The following VRTN variants were observed in gnomAD, a reference collection of about 807,000 sequenced individuals.
VRTN encodes vertebrae development associated.
In VRTN, 5 loss-of-function variants were observed where a neutral mutation model predicts 18.2. The observed-to-expected ratio is 0.27, with a 90% confidence interval of 0.14 to 0.58. The LOEUF (loss-of-function observed/expected upper bound fraction) is 0.58. Ranked by LOEUF, VRTN falls within the 20% of genes least tolerant of loss-of-function variation. The probability of loss-of-function intolerance (pLI) is 0.91; values close to 1 mark genes in which losing one functional copy is unlikely to be tolerated. For missense variants in VRTN, 741 were observed against 939.4 expected (o/e 0.79, Z 2.76); for synonymous variants, 381 against 393.7 (o/e 0.97, Z 0.38).
At chr14:74,336,166 G>A (rs1270262127) in intron 1 of VRTN, among the ~76,000 whole-genome samples, 1 of 151,808 alleles carries the variant, frequency 6.6e-6, no homozygotes, top group Non-Finnish European at 1.5e-5. Flanking sequence ...CCAGCACTTT[G>A]GGAGGCTGAG....
intron 1 of VRTN, among the ~76,000 whole-genome samples, chr14:74,316,540 C>T (rs1306780547): frequency 6.6e-6 from 1 of 151,544 alleles, no homozygotes; most frequent in Non-Finnish European, 1.5e-5. Flanking sequence ...GAACAAACAA[C>T]CTGAATGAAG....
Position 74,356,763 on chromosome 14 carries a change from T to G in VRTN, c.-1-20T>G. The G allele has an allele frequency of 6.4e-7, 1 of 1,565,282 alleles. No homozygotes were observed. The highest frequency in any genetic ancestry group is 8.7e-7 in the Non-Finnish European group (1 of 1,154,326). ...GGCACTTCGACCTGACTACTGCCCC[T>G]TTATCTTTTGCCCTGGCAGGATGAC... On this transcript the variant is annotated intron_variant, in intron 1 of 1. Coordinates refer to ENST00000256362, the MANE Select transcript of VRTN (RefSeq NM_018228.3).
chr14:74,310,106 A>C (rs2085377681), intron 1 of VRTN, among the ~76,000 whole-genome samples: 1 of 151,732 alleles, frequency 6.6e-6, no homozygotes, highest in Non-Finnish European at 1.5e-5. Context: ...GCTATTAATA[A>C]GAAGGAGATG....
intron 1 of VRTN, among the ~76,000 whole-genome samples, chr14:74,350,355 G>A (rs561776118): frequency 6.6e-6 from 1 of 152,172 alleles, no homozygotes; most frequent in East Asian, 1.9e-4. Flanking sequence ...GGGTGGAGCC[G>A]GGTGGAACTG....
chr14:74,304,515 T>C (rs961424355), intron 1 of VRTN, among the ~76,000 whole-genome samples: 5 of 152,192 alleles, frequency 3.3e-5, no homozygotes, highest in African/African-American at 1.2e-4. Flanking sequence ...TTCTCAACTT[T>C]GGCGCCATTA....
chr14:74,341,691 G>C, intron 2 of VRTN, among the ~76,000 whole-genome samples: 1 of 152,044 alleles, frequency 6.6e-6, no homozygotes, highest in East Asian at 1.9e-4. Flanking sequence ...GCTAGTTTTT[G>C]TATTTTTAGT....
intron 1 of VRTN, among the ~76,000 whole-genome samples, chr14:74,351,411 G>T (rs992396187): frequency 2.0e-5 from 3 of 151,192 alleles, no homozygotes; most frequent in Admixed American, 6.6e-5. Flanking sequence ...ATGGTGAGAG[G>T]TTATACCAGA....
chr14:74,344,133 G>A (rs929689181), upstream of VRTN, among the ~76,000 whole-genome samples: 25 of 150,384 alleles, frequency 1.7e-4, no homozygotes, highest in African/African-American at 2.4e-5. Context: ...TACCGGCTGG[G>A]CATGGTAGCT....
chr14:74,344,732 C>CAAAAAAAAAAAA, upstream of VRTN, among the ~76,000 whole-genome samples: 1 of 7,948 alleles, frequency 1.3e-4, no homozygotes, highest in Admixed American at 1.3e-3. Context: ...GAGACTCTGA[C>CAAAAAAAAAAAA]TAAAAAAAAA....
At chr14:74,319,492 A>G (rs1326466615) in intron 1 of VRTN, among the ~76,000 whole-genome samples, 1 of 152,228 alleles carries the variant, frequency 6.6e-6, no homozygotes, top group African/African-American at 2.4e-5. Flanking sequence ...CCCCGCTTCA[A>G]GTGCAACTTT....
At chr14:74,332,532 T>C (rs1453431471) in intron 1 of VRTN, among the ~76,000 whole-genome samples, 1 of 151,630 alleles carries the variant, frequency 6.6e-6, no homozygotes, top group Non-Finnish European at 1.5e-5. Flanking sequence ...TTTTTTTGTA[T>C]TTTTAGTAGA....
chr14:74,332,603 C>T (rs2085535269), intron 1 of VRTN, among the ~76,000 whole-genome samples: 1 of 151,722 alleles, frequency 6.6e-6, no homozygotes, highest in South Asian at 2.1e-4. Context: ...GTGATCTGCC[C>T]ACCTCGGCCT....
intron 1 of VRTN, among the ~76,000 whole-genome samples, chr14:74,309,654 A>G (rs12588261): frequency 0.3 from 45,039 of 152,066 alleles, 7,246 homozygotes; most frequent in Middle Eastern, 0.57. Flanking sequence ...CTATGATCAT[A>G]CCACTGCACT....
intron 2 of VRTN, among the ~76,000 whole-genome samples, chr14:74,340,380 G>A (rs1335114016): frequency 6.6e-6 from 1 of 151,948 alleles, no homozygotes; most frequent in African/African-American, 2.4e-5. Flanking sequence ...CCAAAGTGCT[G>A]GGATTACAGG....
rs192561926 is a variant in VRTN at position 74,333,933 on chromosome 14, G to A, written c.-163-3790G>A. Among the ~76,000 whole-genome samples, 219 of 152,248 alleles carry A rather than the reference G, an allele frequency of 1.4e-3. 4 individuals carry two copies. The highest frequency in any genetic ancestry group is 5.1e-4 in the Non-Finnish European group (35 of 68,012). On this transcript the variant is annotated intron_variant, in intron 1 of 2. Coordinates refer to the VRTN transcript ENST00000557177. Reference sequence around the variant, plus strand: ...ATATGTTCACTGCATTGTTCTAGTTGCTTTACATGCACCATCTTATTTAAT... The same window carrying A: ...ATATGTTCACTGCATTGTTCTAGTTACTTTACATGCACCATCTTATTTAAT...
rs1009472817 is a variant in VRTN, at chr14:74,323,364, G to A, written c.-163-14359G>A. Reference sequence around the variant, plus strand: ...TTTGGGAGGCCGAGGCGGGCAGATCGCCTGAGGTCAGGAGTTTGAGACCAG... The same window carrying A: ...TTTGGGAGGCCGAGGCGGGCAGATCACCTGAGGTCAGGAGTTTGAGACCAG... On this transcript the variant is annotated intron_variant, in intron 1 of 2. Coordinates refer to the VRTN transcript ENST00000557177. Among the ~76,000 whole-genome samples, 14 of 150,622 alleles carry A rather than the reference G, an allele frequency of 9.3e-5. 1 individual carries two copies. The Middle Eastern group carries it at 0.021, about 231-fold the overall frequency.
chr14:74,358,714 A>G lies in VRTN; in HGVS notation c.1931A>G (p.Asp644Gly). ...GGRDGRMLVM[D>G]MIATTKFKAQ... ...AGGGATGGCCGGATGCTGGTGATGG[A>G]CATGATCGCTACCACGAAGTTCAAG... Residue 644 changes from aspartate (D) to glycine (G), a missense_variant, in exon 2 of 2, where the codon GAC becomes GGC. Around this residue, in one of 3 missense-constraint regions of VRTN, gnomAD observed 61 missense variants for 104.6 expected, o/e 0.58. Coordinates refer to ENST00000256362, the MANE Select transcript of VRTN (RefSeq NM_018228.3). The surrounding 1 kb of genome is among the most constrained non-coding windows in gnomAD (Gnocchi z 5.4). The G allele has an allele frequency of 1.2e-6, 2 of 1,614,194 alleles. No homozygotes were observed. Among genetic ancestry groups the G allele is most frequent in the Middle Eastern group, 1.6e-4 (1 of 6,062 alleles).
chr14:74,330,041 T>C (rs553998777), intron 1 of VRTN, among the ~76,000 whole-genome samples: 1 of 151,816 alleles, frequency 6.6e-6, no homozygotes, highest in Non-Finnish European at 1.5e-5. Flanking sequence ...CCGGCTAGTT[T>C]TTTTGTATTT....
intron 1 of VRTN, among the ~76,000 whole-genome samples, chr14:74,324,412 G>A (rs7155951): frequency 1 from 144,396 of 144,418 alleles, 72,188 homozygotes; most frequent in Middle Eastern, 1. Flanking sequence ...AAAAAAAGAA[G>A]GATTTATTTT....
Sources: gnomAD v4.1 joint callset for allele counts (sites outside exome capture counted in the v4.1 genomes callset) on GRCh38, gnomAD v4.1.1 for gene constraint, gnomAD v4.1.1 regional missense constraint, Gnocchi (gnomAD v3.1) non-coding constraint, MANE v1.5 for transcripts, NCBI Gene and HGNC (gene_info 2026-07-23, HGNC 2026-07-21) for gene names.